The following NLN variants were observed in gnomAD, a reference collection of about 807,000 sequenced individuals.
NLN encodes neurolysin.
A neutral mutation model predicts 79.9 loss-of-function variants in NLN; 64 were observed. The observed-to-expected ratio is 0.80, with a 90% CI of 0.65 to 0.99. The LOEUF (loss-of-function observed/expected upper bound fraction) is 0.99, where lower values mean the gene tolerates loss of function less well. NLN is among the 50% of genes least tolerant of loss of function. The pLI, the probability that NLN is intolerant of heterozygous loss-of-function variation, is 0.00. For missense variants in NLN, 835 were observed against 858.7 expected, an observed-to-expected ratio of 0.97 and a Z score of 0.34; for synonymous variants, 267 against 296.6, an observed-to-expected ratio of 0.90 and a Z score of 1.02.
Position 65,800,663 on chromosome 5 carries a change from C to CTTTTTATTTATTTATTTAT in NLN, c.1527+8010_1527+8011insTTTATTTATTTATTTATTT, listed in dbSNP as rs10639871. ...TAGCTTGGATAGTGAAGAAAACTCTCTTATTTATTTATTTATTTATTTATT... is the reference window on the plus strand; with the variant it reads ...TAGCTTGGATAGTGAAGAAAACTCTCTTTTTATTTATTTATTTATTTATTTATTTATTTATTTATTTATT... On this transcript the variant is annotated intron_variant, in intron 9 of 12. Transcript: ENST00000380985. 8.3e-3 allele frequency among the ~76,000 whole-genome samples: 1,189 copies of CTTTTTATTTATTTATTTAT among 142,970 alleles called. 17 individuals are homozygous for CTTTTTATTTATTTATTTAT. Among genetic ancestry groups the CTTTTTATTTATTTATTTAT allele is most frequent in the East Asian group, 0.013 (64 of 4,830 alleles). 93.8% of individuals were successfully genotyped at this position (142,970 alleles called of 152,430 possible). A position where few individuals can be genotyped will look rare whatever the true frequency, so the allele number is the denominator to read the frequency against.
intron 8 of NLN, among the ~76,000 whole-genome samples, chr5:65,789,179 C>T (rs919705564): frequency 9.9e-5 from 15 of 152,152 alleles, no homozygotes; most frequent in African/African-American, 3.6e-4. Context: ...ATATTTCTCA[C>T]ATGGGCTTCT....
intron 6 of NLN, among the ~76,000 whole-genome samples, chr5:65,785,388 C>G (rs990265809): frequency 6.6e-6 from 1 of 152,002 alleles, no homozygotes; most frequent in African/African-American, 2.4e-5. Flanking sequence ...ATAAATTTTA[C>G]GTTATGTGTA....
chr5:65,739,627 A>G (rs1758828965), intron 1 of NLN, among the ~76,000 whole-genome samples: 1 of 152,170 alleles, frequency 6.6e-6, no homozygotes, highest in Admixed American at 6.5e-5. Context: ...TCATATTCCT[A>G]CTAACAGTGT....
rs187266372 is a variant in NLN, at chr5:65,751,913, G to A, written c.42-6654G>A. Reference sequence around the variant, plus strand: ...CAAATGCACCTTCCTGTCAATTCCCGTATGGTATTCTGTATTATTTCTTGG... The same window carrying A: ...CAAATGCACCTTCCTGTCAATTCCCATATGGTATTCTGTATTATTTCTTGG... On this transcript the variant is annotated intron_variant, in intron 1 of 12. Coordinates refer to ENST00000380985, the MANE Select transcript of NLN (RefSeq NM_020726.5). Among the ~76,000 whole-genome samples the A allele has an allele frequency of 5.3e-5, 8 of 152,138 alleles. No individual in the cohort carries two copies. The East Asian group carries it at 5.8e-4, about 11-fold the overall frequency.
chr5:65,734,883 C>T (rs570728258), intron 1 of NLN, among the ~76,000 whole-genome samples: 4 of 152,240 alleles, frequency 2.6e-5, no homozygotes, highest in East Asian at 1.9e-4. Context: ...TTTAAGGTTT[C>T]GTAGCTTTCT....
intron 8 of NLN, among the ~76,000 whole-genome samples, 191 bp from the exon 9 acceptor site, chr5:65,792,263 G>A (rs1760076292): frequency 6.6e-6 from 1 of 152,170 alleles, no homozygotes; most frequent in Non-Finnish European, 1.5e-5. Flanking sequence ...CACACAGAAT[G>A]TTAGTGGGGT....
chr5:65,780,686 T>G (rs934395034), intron 5 of NLN, among the ~76,000 whole-genome samples: 1 of 152,236 alleles, frequency 6.6e-6, no homozygotes, highest in Non-Finnish European at 1.5e-5. Context: ...TTTTCTTTTC[T>G]TTTTTTGAGA....
At chr5:65,729,291 T>C (rs908792921) in intron 1 of NLN, among the ~76,000 whole-genome samples, 4 of 149,796 alleles carry the variant, frequency 2.7e-5, no homozygotes, top group Non-Finnish European at 5.9e-5. Flanking sequence ...AAAGAAAGGG[T>C]TTTTTAAGTT....
At chr5:65,738,395 G>A (rs1269954350) in intron 1 of NLN, among the ~76,000 whole-genome samples, 2 of 151,896 alleles carry the variant, frequency 1.3e-5, no homozygotes, top group African/African-American at 4.8e-5. Context: ...ACTAGCCTGA[G>A]TAATATAGTG....
intron 1 of NLN, among the ~76,000 whole-genome samples, chr5:65,737,805 C>T (rs1177740662): frequency 6.6e-6 from 1 of 151,958 alleles, no homozygotes; most frequent in South Asian, 2.1e-4. Context: ...AAGTTATTTA[C>T]AGAAAAAAAG....
intron 3 of NLN, among the ~76,000 whole-genome samples, chr5:65,767,563 G>A (rs1414956056): frequency 1.3e-5 from 2 of 152,190 alleles, no homozygotes; most frequent in African/African-American, 2.4e-5. Flanking sequence ...ATGCCCTGGG[G>A]ACATTTTCCC....
At chr5:65,775,406 C>T (rs1299801303) in intron 3 of NLN, among the ~76,000 whole-genome samples, 7 of 152,178 alleles carry the variant, frequency 4.6e-5, no homozygotes, top group Non-Finnish European at 1.0e-4. Flanking sequence ...TGGCTCCTTT[C>T]CTTGCTGGGA....
intron 2 of NLN, among the ~76,000 whole-genome samples, chr5:65,759,930 T>C (rs1759305110): frequency 6.6e-6 from 1 of 152,312 alleles, no homozygotes; most frequent in East Asian, 1.9e-4. Flanking sequence ...CTTCAAGTTA[T>C]AAGGAGTGAA....
chr5:65,791,493 C>T lies in NLN; in HGVS notation c.1326-961C>T, dbSNP rs529251868. Reference sequence around the variant, plus strand: ...GAATCATTTGAACCCAGGAGGTGGACATTATAGTTAGCCAGTATCTTGCCA... The same window carrying T: ...GAATCATTTGAACCCAGGAGGTGGATATTATAGTTAGCCAGTATCTTGCCA... On this transcript the variant is annotated intron_variant, in intron 8 of 12. Coordinates refer to ENST00000380985, the MANE Select transcript of NLN (RefSeq NM_020726.5). Among the ~76,000 whole-genome samples the T allele has an allele frequency of 1.3e-4, 20 of 152,134 alleles. No individual in the cohort carries two copies. The East Asian group carries it at 3.9e-3, about 29-fold the overall frequency.
Position 65,748,963 on chromosome 5 carries a change from G to A in NLN, c.42-9604G>A, listed in dbSNP as rs145399209. On this transcript the variant is annotated intron_variant, in intron 1 of 12. Transcript: ENST00000380985. ...CCAATGGGAGGTCATTGAATCTGGG[G>A]GCAGATTTTTCCTGTGCTTTTCTCG... is the stretch of plus-strand genomic sequence containing the variant. Among the ~76,000 whole-genome samples the A allele has an allele frequency of 2.3e-4, 35 of 152,162 alleles. 1 individual carries two copies. In the East Asian group the frequency reaches 3.7e-3, roughly 16 times the overall value.
At chr5:65,726,865 C>A (rs1297867814) in intron 1 of NLN, among the ~76,000 whole-genome samples, 1 of 152,246 alleles carries the variant, frequency 6.6e-6, no homozygotes, top group African/African-American at 2.4e-5. Flanking sequence ...TGGAGGACCC[C>A]CTGTGTTCTC....
intron 9 of NLN, among the ~76,000 whole-genome samples, chr5:65,799,363 AG>A (rs1760234084): frequency 6.6e-6 from 1 of 152,356 alleles, no homozygotes; most frequent in South Asian, 2.1e-4. Context: ...AAATAATAAA[AG>A]TAGAATTTTA....
At chr5:65,794,118 T>A (rs1760121995) in intron 9 of NLN, among the ~76,000 whole-genome samples, 1 of 152,168 alleles carries the variant, frequency 6.6e-6, no homozygotes, top group Non-Finnish European at 1.5e-5. Flanking sequence ...GAAGTAACCC[T>A]GAATGGAGCA....
chr5:65,736,785 A>G (rs1449952614), intron 1 of NLN, among the ~76,000 whole-genome samples: 1 of 152,108 alleles, frequency 6.6e-6, no homozygotes, highest in Non-Finnish European at 1.5e-5. Flanking sequence ...CATTTTAGAT[A>G]TTGTTCACTT....
Sources: gnomAD v4.1 joint callset for allele counts (sites outside exome capture counted in the v4.1 genomes callset) on GRCh38, gnomAD v4.1.1 for gene constraint, MANE v1.5 for transcripts, NCBI Gene and HGNC (gene_info 2026-07-23, HGNC 2026-07-21) for gene names.